The following CDH20 variants were observed in gnomAD, a reference collection of about 807,000 sequenced individuals.
The protein encoded by CDH20 is cadherin 20, also known as cadherin-20.
CDH20 carries 29 observed loss-of-function variants against 74.2 expected under a neutral mutation model. That is an observed-to-expected ratio of 0.39 (90% CI 0.29 to 0.53). CDH20 has a LOEUF of 0.53. CDH20 is among the 20% of genes least tolerant of loss of function. The pLI, the probability that CDH20 is intolerant of heterozygous loss-of-function variation, is 0.69. For synonymous variants in CDH20, 469 were observed against 405.4 expected (o/e 1.16, Z -1.88); for missense variants, 988 against 1,048.3 (o/e 0.94, Z 0.79).
At chr18:61,365,025 T>C (rs961880827) in intron 1 of CDH20, among the ~76,000 whole-genome samples, 1 of 152,196 alleles carries the variant, frequency 6.6e-6, no homozygotes. Flanking sequence ...GCTTTCCTAC[T>C]ATTATGTCTC....
chr18:61,540,227 G>A (rs1277725030), intron 9 of CDH20, among the ~76,000 whole-genome samples: 1 of 152,126 alleles, frequency 6.6e-6, no homozygotes, highest in Non-Finnish European at 1.5e-5. Context: ...TGTGGATGCT[G>A]GTGCTGGATC....
In CDH20 at chr18:61,469,440, T is replaced by C. The variant is rs368536557; in HGVS notation, c.-152-20962T>C. 1.4e-4 allele frequency among the ~76,000 whole-genome samples: 21 copies of C among 151,626 alleles called. No individual in the cohort carries two copies. In the East Asian group the frequency reaches 2.7e-3, roughly 20 times the overall value. Reference sequence around the variant, plus strand: ...ATAACATTATTTTAGAAATACAGACTGGGTTGTCACACACACAGGTGATCT... The same window carrying C: ...ATAACATTATTTTAGAAATACAGACCGGGTTGTCACACACACAGGTGATCT... On this transcript the variant is annotated intron_variant, in intron 1 of 11. Coordinates refer to ENST00000262717, the MANE Select transcript of CDH20 (RefSeq NM_031891.4).
chr18:61,524,824 G>A lies in CDH20; in HGVS notation c.1018-3143G>A, dbSNP rs145872839. 7.8e-3 allele frequency among the ~76,000 whole-genome samples: 1,195 copies of A among 152,240 alleles called. 14 individuals carry two copies. Among genetic ancestry groups the A allele is most frequent in the South Asian group, 0.047 (229 of 4,822 alleles). ...TAGTCCCAGCTACTTGGGAGGCTGA[G>A]GCAGAAGAGTCGCCTGAACCCGGGA... On this transcript the variant is annotated intron_variant, in intron 6 of 11. Transcript: ENST00000262717.
intron 7 of CDH20, 136 bp downstream of exon 7, chr18:61,528,356 GTTGT>G: frequency 1.2e-6 from 1 of 823,224 alleles, no homozygotes. Flanking sequence ...AGTTTTTTGT[GTTGT>G]TTTTTTTTTT....
chr18:61,380,307 C>T (rs967053763), intron 1 of CDH20, among the ~76,000 whole-genome samples: 2 of 151,898 alleles, frequency 1.3e-5, no homozygotes, highest in African/African-American at 2.4e-5. Flanking sequence ...TTCATGAGAC[C>T]GTGGAAAGAA....
intron 1 of CDH20, among the ~76,000 whole-genome samples, chr18:61,343,897 T>A (rs1286158366): frequency 6.6e-6 from 1 of 152,172 alleles, no homozygotes; most frequent in Non-Finnish European, 1.5e-5. Flanking sequence ...AATGATGAAC[T>A]GCCCTACAGT....
At chr18:61,551,591 T>C (rs1913434690) in intron 11 of CDH20, among the ~76,000 whole-genome samples, 1 of 152,208 alleles carries the variant, frequency 6.6e-6, no homozygotes, top group East Asian at 1.9e-4. Flanking sequence ...TATAAATAAG[T>C]AACCTTTCTA....
chr18:61,447,669 GCAGA>G (rs1270941237), intron 1 of CDH20, among the ~76,000 whole-genome samples: 1 of 152,206 alleles, frequency 6.6e-6, no homozygotes, highest in Admixed American at 6.5e-5. Context: ...TATGCGGTAA[GCAGA>G]CATTTATTCA....
chr18:61,337,659 T>C (rs1219449784), intron 1 of CDH20, among the ~76,000 whole-genome samples: 1 of 152,226 alleles, frequency 6.6e-6, no homozygotes, highest in African/African-American at 2.4e-5. Context: ...CTACAGGTTT[T>C]ATATTCGGTA....
At chr18:61,548,327 A>G (rs1440029950) in intron 10 of CDH20, among the ~76,000 whole-genome samples, 1 of 152,238 alleles carries the variant, frequency 6.6e-6, no homozygotes, top group Non-Finnish European at 1.5e-5. Context: ...GGAGCCAGAG[A>G]GACCAGAGTT....
intron 11 of CDH20, among the ~76,000 whole-genome samples, chr18:61,550,983 C>T (rs930143807): frequency 6.6e-6 from 1 of 152,154 alleles, no homozygotes; most frequent in African/African-American, 2.4e-5. Flanking sequence ...GCCATCTAAC[C>T]AGGAACAGTG....
chr18:61,515,035 G>C (rs1210551645), intron 6 of CDH20, among the ~76,000 whole-genome samples: 1 of 152,022 alleles, frequency 6.6e-6, no homozygotes, highest in Non-Finnish European at 1.5e-5. Flanking sequence ...CACCCAGTTC[G>C]AGCTTCCTGG....
At chr18:61,387,547 C>T (rs1185814057) in intron 1 of CDH20, among the ~76,000 whole-genome samples, 3 of 152,262 alleles carry the variant, frequency 2.0e-5, no homozygotes, top group East Asian at 3.9e-4. Flanking sequence ...TCATTAAAGT[C>T]GGCTAAATTT....
intron 1 of CDH20, among the ~76,000 whole-genome samples, chr18:61,448,819 C>T (rs1257952627): frequency 4.6e-5 from 7 of 152,204 alleles, no homozygotes. Context: ...AAGGATTAAA[C>T]TTTGGTTTAA....
chr18:61,453,294 T>G (rs1014914749), intron 1 of CDH20, among the ~76,000 whole-genome samples: 3 of 152,204 alleles, frequency 2.0e-5, no homozygotes, highest in African/African-American at 4.8e-5. Context: ...GTTTGTTTTT[T>G]TGAGACGGAG....
chr18:61,352,216 G>A (rs912613788), intron 1 of CDH20, among the ~76,000 whole-genome samples: 1 of 152,160 alleles, frequency 6.6e-6, no homozygotes, highest in Non-Finnish European at 1.5e-5. Context: ...CAGCTGTCAT[G>A]TCTGTTTGTG....
intron 1 of CDH20, among the ~76,000 whole-genome samples, chr18:61,469,397 ACACACACC>A (rs1161243477): frequency 1.2e-3 from 183 of 150,400 alleles, no homozygotes; most frequent in African/African-American, 4.4e-3. Flanking sequence ...ACACACACAC[ACACACACC>A]CCTATATAAA....
chr18:61,452,336 C>T lies in CDH20; in HGVS notation c.-152-38066C>T, dbSNP rs569557931. Among the ~76,000 whole-genome samples the T allele has an allele frequency of 4.6e-5, 7 of 152,202 alleles. No homozygotes were observed. The East Asian group carries it at 1.4e-3, about 29-fold the overall frequency. On this transcript the variant is annotated intron_variant, in intron 1 of 11. Coordinates refer to ENST00000262717, the MANE Select transcript of CDH20 (RefSeq NM_031891.4). ...TTAGAATTATCACAAAACTCTTGCA[C>T]CAAAAACTAAGTTAAAAAGAGCGGT...
At chr18:61,549,220 C>T (rs1056414696) in intron 10 of CDH20, among the ~76,000 whole-genome samples, 2 of 152,206 alleles carry the variant, frequency 1.3e-5, no homozygotes, top group African/African-American at 2.4e-5. Flanking sequence ...AATGTAAACA[C>T]ACACACATAC....
Sources: allele counts gnomAD v4.1 joint callset (sites outside exome capture counted in the v4.1 genomes callset), GRCh38; gene constraint gnomAD v4.1.1; transcripts MANE v1.5; gene names NCBI Gene and HGNC (gene_info 2026-07-23, HGNC 2026-07-21).